The following TRHDE variants were observed in gnomAD, a reference collection of about 807,000 sequenced individuals.
TRHDE encodes thyrotropin-releasing hormone-degrading ectoenzyme.
TRHDE carries 72 observed loss-of-function variants against 125.7 expected under a neutral mutation model. The ratio of observed to expected loss-of-function variants is 0.57; its 90% CI spans 0.47 to 0.70. The LOEUF is 0.70. TRHDE is among the 30% of genes least tolerant of loss of function. The pLI, the probability that TRHDE is intolerant of heterozygous loss-of-function variation, is 0.00. For synonymous variants in TRHDE, 509 were observed against 509.1 expected, an observed-to-expected ratio of 1.00 and a Z score of 0.00; for missense variants, 1,110 against 1,327.1, an observed-to-expected ratio of 0.84 and a Z score of 2.54.
intron 1 of TRHDE, among the ~76,000 whole-genome samples, chr12:72,092,132 C>T (rs182585337): frequency 6.6e-5 from 10 of 152,254 alleles, no homozygotes; most frequent in African/African-American, 2.4e-4. Context: ...CTTAGAATAG[C>T]TAAAGCATGA....
At chr12:72,653,733 ATATAT>A (rs978639486) in intron 17 of TRHDE, among the ~76,000 whole-genome samples, 2 of 152,126 alleles carry the variant, frequency 1.3e-5, no homozygotes, top group Admixed American at 6.6e-5. Context: ...ATGCATTTAA[ATATAT>A]TATAATACAC....
intron 9 of TRHDE, 61 bp downstream of exon 9, chr12:72,563,101 A>T: frequency 8.1e-7 from 1 of 1,241,940 alleles, no homozygotes; most frequent in South Asian, 1.4e-5. Context: ...TAGGTTTAAT[A>T]TTTCAAAGAG....
intron 2 of TRHDE, among the ~76,000 whole-genome samples, chr12:72,361,277 A>G (rs544662701): frequency 2.6e-5 from 4 of 151,986 alleles, no homozygotes; most frequent in African/African-American, 9.6e-5. Flanking sequence ...GTGTTTTGTT[A>G]AAACTATATG....
At chr12:72,287,718 G>A (rs1387307726) in intron 2 of TRHDE, among the ~76,000 whole-genome samples, 2 of 151,988 alleles carry the variant, frequency 1.3e-5, no homozygotes, top group African/African-American at 4.8e-5. Context: ...GAGATAGAGG[G>A]AGCATTGTCT....
chr12:72,218,178 T>A (rs1877932293), intron 2 of TRHDE, among the ~76,000 whole-genome samples: 1 of 152,136 alleles, frequency 6.6e-6, no homozygotes, highest in Non-Finnish European at 1.5e-5. Context: ...TTCCATATGA[T>A]CACAATTTTG....
intron 3 of TRHDE, among the ~76,000 whole-genome samples, chr12:72,466,905 G>C (rs1247318479): frequency 6.6e-6 from 1 of 152,062 alleles, no homozygotes; most frequent in Non-Finnish European, 1.5e-5. Flanking sequence ...TTTATTACTT[G>C]TTAATTGACG....
intron 2 of TRHDE, among the ~76,000 whole-genome samples, chr12:72,310,104 T>A (rs896641716): frequency 2.6e-5 from 4 of 152,208 alleles, no homozygotes; most frequent in African/African-American, 7.2e-5. Flanking sequence ...TAGTTCGTGG[T>A]GCTGGGCCAT....
chr12:72,662,470 C>T (rs369806289), intron 18 of TRHDE, among the ~76,000 whole-genome samples: 43 of 152,200 alleles, frequency 2.8e-4, no homozygotes, highest in South Asian at 1.0e-3. Context: ...AATCTAGTTA[C>T]GCAGGTGATT....
chr12:72,643,017 G>A (rs1482432310), intron 15 of TRHDE, among the ~76,000 whole-genome samples: 1 of 152,172 alleles, frequency 6.6e-6, no homozygotes, highest in Admixed American at 6.5e-5. Context: ...AAGTCATTGG[G>A]AACTGAAGGC....
chr12:72,390,087 A>C (rs923705869), intron 3 of TRHDE, among the ~76,000 whole-genome samples: 1 of 152,192 alleles, frequency 6.6e-6, no homozygotes, highest in Non-Finnish European at 1.5e-5. Flanking sequence ...TTGAAAAACT[A>C]TGAGCTTTGT....
intron 6 of TRHDE, among the ~76,000 whole-genome samples, chr12:72,541,250 T>C (rs1002891550): frequency 6.6e-6 from 1 of 151,614 alleles, no homozygotes; most frequent in African/African-American, 2.4e-5. Flanking sequence ...TAAACATTCA[T>C]TGCTTACAAT....
intron 15 of TRHDE, among the ~76,000 whole-genome samples, chr12:72,638,669 T>C (rs1207264120): frequency 6.6e-6 from 1 of 152,086 alleles, no homozygotes; most frequent in Non-Finnish European, 1.5e-5. Flanking sequence ...TGTTTAGTGC[T>C]TCCTTCAGGA....
chr12:72,339,460 C>A (rs1869980895), intron 2 of TRHDE, among the ~76,000 whole-genome samples: 1 of 152,090 alleles, frequency 6.6e-6, no homozygotes, highest in South Asian at 2.1e-4. Context: ...CTTAATAAGA[C>A]CGTTTACGTT....
At chr12:72,375,244 T>C (rs1172949350) in intron 2 of TRHDE, among the ~76,000 whole-genome samples, 2 of 152,198 alleles carry the variant, frequency 1.3e-5, no homozygotes, top group Non-Finnish European at 2.9e-5. Context: ...GAGCAGTAAG[T>C]ATGAATGTCT....
At chr12:72,513,065 T>A (rs1023861434) in intron 6 of TRHDE, among the ~76,000 whole-genome samples, 4 of 152,112 alleles carry the variant, frequency 2.6e-5, no homozygotes, top group African/African-American at 9.7e-5. Context: ...AATATAAACA[T>A]CTTCAAAAGC....
intron 14 of TRHDE, 82 bp downstream of exon 14, chr12:72,621,287 G>T: frequency 1.1e-6 from 1 of 878,900 alleles, no homozygotes; most frequent in Non-Finnish European, 1.8e-6. Context: ...GACTTTAGCT[G>T]CATGAGACAA....
Position 72,614,157 on chromosome 12 carries a change from G to T in TRHDE, c.2322-4734G>T, listed in dbSNP as rs991144827. 5.3e-5 allele frequency among the ~76,000 whole-genome samples: 8 copies of T among 151,584 alleles called. No individual in the cohort carries two copies. The South Asian group carries it at 1.0e-3, about 20-fold the overall frequency. On this transcript the variant is annotated intron_variant, in intron 12 of 18. Transcript: ENST00000261180. Reference sequence around the variant, plus strand: ...TCATGATCCAAACACCTCCCACCAGGCCCCACCTCCAGCATTGGGAATTGC... The same window carrying T: ...TCATGATCCAAACACCTCCCACCAGTCCCCACCTCCAGCATTGGGAATTGC...
At chr12:72,598,133 T>C (rs183653056) in intron 12 of TRHDE, among the ~76,000 whole-genome samples, 1 of 152,258 alleles carries the variant, frequency 6.6e-6, no homozygotes, top group East Asian at 1.9e-4. Context: ...GGTTTATAGT[T>C]AGTAACTAAC....
intron 2 of TRHDE, among the ~76,000 whole-genome samples, chr12:72,198,462 C>T (rs868336838): frequency 1.3e-5 from 2 of 152,024 alleles, no homozygotes; most frequent in South Asian, 4.1e-4. Context: ...ATTTTTGGCC[C>T]ACAGCAAGCA....
Sources: gnomAD v4.1 joint callset for allele counts (sites outside exome capture counted in the v4.1 genomes callset) on GRCh38, gnomAD v4.1.1 for gene constraint, MANE v1.5 for transcripts, NCBI Gene and HGNC (gene_info 2026-07-23, HGNC 2026-07-21) for gene names.